The following SYNE1 variants were observed in gnomAD, a reference collection of about 807,000 sequenced individuals.
The protein encoded by SYNE1 is nesprin-1.
Under a neutral mutation model 1,111.0 loss-of-function variants are expected in SYNE1, and 616 were observed. That is an observed-to-expected ratio of 0.55 (90% CI 0.52 to 0.59). SYNE1 has a LOEUF of 0.59. Among genes scored for constraint, SYNE1 ranks in the 20% least tolerant of loss-of-function variants. The probability of loss-of-function intolerance (pLI) is 0.00; values close to 1 mark genes in which losing one functional copy is unlikely to be tolerated. For synonymous variants in SYNE1, 3,855 were observed against 3,825.8 expected (o/e 1.01, Z -0.28); for missense variants, 10,006 against 10,417.0 (o/e 0.96, Z 1.72).
At chr6:152,278,051 C>A (rs1282720198) in intron 98 of SYNE1, 38 bp downstream of exon 98, 1 of 1,611,476 alleles carries the variant, frequency 6.2e-7, no homozygotes, top group Admixed American at 1.7e-5. Context: ...GAACAGTGTG[C>A]CAACTTTCAG....
At chr6:152,525,994 G>C in intron 5 of SYNE1, 86 bp downstream of exon 5, 1 of 1,217,710 alleles carries the variant, frequency 8.2e-7, no homozygotes, top group East Asian at 2.4e-5. Flanking sequence ...TACCTGGGCA[G>C]CACATCTTAG....
Position 152,463,268 on chromosome 6 carries a change from T to C in SYNE1, c.2097+85A>G, listed in dbSNP as rs762453595. 4.4e-5 allele frequency: 70 copies of C among 1,595,274 alleles called. 1 individual carries two copies. In the South Asian group the frequency reaches 7.8e-4, roughly 18 times the overall value. On this transcript the variant is annotated intron_variant, in intron 19 of 145. Transcript: ENST00000367255. ...GCTTTGCCTTAATAAACCCGTGCTC[T>C]AAAAATAGCATTCTCTCTAAACAGA...
intron 73 of SYNE1, among the ~76,000 whole-genome samples, chr6:152,346,689 A>G (rs924882409): frequency 6.6e-6 from 1 of 151,954 alleles, no homozygotes; most frequent in Non-Finnish European, 1.5e-5. Context: ...GGGCGCCTGT[A>G]GTCCCAGCTA....
At chr6:152,508,255 A>G (rs2099068426) in intron 8 of SYNE1, among the ~76,000 whole-genome samples, 1 of 152,226 alleles carries the variant, frequency 6.6e-6, no homozygotes, top group Non-Finnish European at 1.5e-5. Context: ...TCATCGCCCC[A>G]AACCTCTACA....
intron 91 of SYNE1, among the ~76,000 whole-genome samples, chr6:152,307,616 C>G (rs1310112547): frequency 6.6e-6 from 1 of 152,144 alleles, no homozygotes; most frequent in Admixed American, 6.5e-5. Context: ...CACTCAAGGA[C>G]TATGATGTCT....
Position 152,330,759 on chromosome 6 carries a change from A to T in SYNE1, c.13926T>A (p.Ser4642Arg). The change falls in exon 78 of 146, where the codon AGT becomes AGA. Residue 4642 changes from serine (S) to arginine (R), a missense_variant. By Grantham distance (110) the Ser-to-Arg change is moderately radical. This residue lies in a region of SYNE1 where 4,955 missense variants were observed against 5,017.2 expected (regional missense o/e 0.99). Coordinates refer to ENST00000367255, the MANE Select transcript of SYNE1 (RefSeq NM_182961.4). ...SLNEVDHSYL[S>R]EKLNALPRQF... is the part of the protein sequence containing the mutation. ...GTCGAGGCAAAGCATTTAGCTTTTC[A>T]CTGAGGTAGGAATGATCGACTTCAT... 2 of 1,613,980 alleles carry T rather than the reference A, an allele frequency of 1.2e-6. No individual in the cohort carries two copies. Among genetic ancestry groups the T allele is most frequent in the Non-Finnish European group, 1.7e-6 (2 of 1,180,026 alleles).
intron 25 of SYNE1, among the ~76,000 whole-genome samples, chr6:152,452,770 T>A (rs1190793458): frequency 6.6e-6 from 1 of 152,196 alleles, no homozygotes; most frequent in Admixed American, 6.5e-5. Context: ...GAAGTCAGCC[T>A]CCATGGGACA....
At position 152,254,958 on chromosome 6, in the gene SYNE1, C is replaced by G; in HGVS notation, c.19392G>C (p.Arg6464Ser). ...TCACTACTGAGTCTAGCAAGGATAA[C>G]CTGCCCAAAAGACAACCCAAAGTAT... is the stretch of plus-strand genomic sequence containing the variant. ...IEDTLGCLLG[R>S]LSLLDSVVNQ... is the part of the protein sequence containing the mutation. Residue 6464 changes from arginine to serine, a missense_variant, in exon 104 of 146, where the codon AGG (arginine) becomes AGC (serine). Arg to Ser is a moderately radical substitution (Grantham distance 110). Coordinates refer to ENST00000367255, the MANE Select transcript of SYNE1 (RefSeq NM_182961.4). 6.2e-7 allele frequency: 1 copy of G among 1,614,030 alleles called. No homozygotes were observed. Among genetic ancestry groups the G allele is most frequent in the Non-Finnish European group, 8.5e-7 (1 of 1,179,974 alleles).
rs2096874612 is a variant in SYNE1 at position 152,358,348 on chromosome 6, T to A, written c.10608+25A>T. 3.7e-6 allele frequency: 6 copies of A among 1,614,136 alleles called. No individual in the cohort carries two copies. In the Middle Eastern group the frequency reaches 4.9e-4, roughly 133 times the overall value. ...TCCATATTCAGAATGAAGATTCCTT[T>A]GTTTTAGGATAAAGGAGGCCTTACC... On this transcript the variant is annotated intron_variant, in intron 66 of 145. Transcript: ENST00000367255.
chr6:152,472,861 A>G (rs182801279), intron 14 of SYNE1, among the ~76,000 whole-genome samples: 2 of 152,344 alleles, frequency 1.3e-5, no homozygotes, highest in African/African-American at 4.8e-5. Flanking sequence ...CATGCAGACT[A>G]TTATAAAGTG....
At position 152,637,215 on chromosome 6, in the gene SYNE1, T is replaced by A. The variant is rs1055442684; in HGVS notation, c.-418A>T. The A allele has an allele frequency of 6.6e-6, 1 of 152,178 alleles. No homozygotes were observed. The highest frequency in any genetic ancestry group is 6.5e-5 in the Admixed American group (1 of 15,286). The allele number at this position is 152,178 out of a possible 1,614,324, so 9.4% of individuals were successfully genotyped here. Reference sequence around the variant, plus strand: ...TCCTGGAGATGCACGGCCTTGGGCGTTTCTCCGCAGCTGCAAAGCTGTGCT... The same window carrying A: ...TCCTGGAGATGCACGGCCTTGGGCGATTCTCCGCAGCTGCAAAGCTGTGCT... On this transcript the variant is annotated 5_prime_UTR_variant, in exon 1 of 146. Transcript: ENST00000367255.
intron 107 of SYNE1, among the ~76,000 whole-genome samples, chr6:152,240,803 CG>C (rs956577155): frequency 6.6e-6 from 1 of 152,162 alleles, no homozygotes; most frequent in African/African-American, 2.4e-5. Flanking sequence ...TAGCTAGTCA[CG>C]GCAGAGCTTG....
chr6:152,426,059 T>C lies in SYNE1; in HGVS notation c.5101-512A>G, dbSNP rs142296409. On this transcript the variant is annotated intron_variant, in intron 38 of 145. Transcript: ENST00000367255. Reference sequence around the variant, plus strand: ...CTGGAGAACTTAAGGGCTCTTCATTTTACTTTTAAGCAACAGAACTCCTTC... The same window carrying C: ...CTGGAGAACTTAAGGGCTCTTCATTCTACTTTTAAGCAACAGAACTCCTTC... Among the ~76,000 whole-genome samples the C allele has an allele frequency of 2.3e-3, 343 of 152,340 alleles. 1 individual carries two copies. The highest frequency in any genetic ancestry group is 4.1e-3 in the Non-Finnish European group (279 of 68,032).
At chr6:152,384,053 T>C (rs1428887774) in intron 55 of SYNE1, among the ~76,000 whole-genome samples, 2 of 152,352 alleles carry the variant, frequency 1.3e-5, no homozygotes, top group East Asian at 3.9e-4. Context: ...GTGTGTTCTA[T>C]GTGCCAGGCA....
chr6:152,337,291 ATTTT>A (rs36122423), intron 75 of SYNE1, among the ~76,000 whole-genome samples: 1 of 146,070 alleles, frequency 6.8e-6, no homozygotes, highest in African/African-American at 2.5e-5. Context: ...AACTCTAATA[ATTTT>A]TTTTTTTTTT....
At chr6:152,468,822 C>T (rs2098787312) in intron 16 of SYNE1, among the ~76,000 whole-genome samples, 3 of 152,118 alleles carry the variant, frequency 2.0e-5, no homozygotes, top group African/African-American at 7.2e-5. Flanking sequence ...GTAGCTCAGG[C>T]TGAAGTGCAG....
chr6:152,611,604 C>T (rs570098297), intron 3 of SYNE1, among the ~76,000 whole-genome samples: 23 of 152,276 alleles, frequency 1.5e-4, no homozygotes, highest in African/African-American at 5.1e-4. Flanking sequence ...AGAAGGTTAA[C>T]AAGGATATCC....
chr6:152,176,042 G>A (rs1377929614), intron 130 of SYNE1, among the ~76,000 whole-genome samples: 1 of 146,812 alleles, frequency 6.8e-6, no homozygotes, highest in Non-Finnish European at 1.5e-5. Flanking sequence ...TGCTACTGCA[G>A]ACAAAAACAC....
chr6:152,541,036 T>C (rs1444336562), intron 3 of SYNE1, among the ~76,000 whole-genome samples: 3 of 152,196 alleles, frequency 2.0e-5, no homozygotes, highest in Non-Finnish European at 4.4e-5. Context: ...CATTTGGAGA[T>C]AATAAATGAT....
Sources: allele counts gnomAD v4.1 joint callset (sites outside exome capture counted in the v4.1 genomes callset), GRCh38; gene constraint gnomAD v4.1.1; regional missense constraint gnomAD v4.1.1; transcripts MANE v1.5; gene names NCBI Gene and HGNC (gene_info 2026-07-23, HGNC 2026-07-21).